The following MAD1L1 variants were observed in gnomAD, a reference collection of about 807,000 sequenced individuals.
MAD1L1 encodes mitotic spindle assembly checkpoint protein MAD1.
Under a neutral mutation model 96.9 loss-of-function variants are expected in MAD1L1, and 95 were observed. The observed-to-expected ratio is 0.98, with a 90% CI of 0.83 to 1.16. The LOEUF is 1.16. Among genes scored for constraint, MAD1L1 ranks in the 50% most tolerant of loss-of-function variants. The probability of loss-of-function intolerance (pLI) is 0.00; values close to 1 mark genes in which losing one functional copy is unlikely to be tolerated. For missense variants in MAD1L1, 1,007 were observed against 954.4 expected (o/e 1.06, Z -0.73); for synonymous variants, 473 against 396.6 (o/e 1.19, Z -2.29).
chr7:2,203,281 G>A (rs898445688), intron 10 of MAD1L1, among the ~76,000 whole-genome samples: 8 of 152,234 alleles, frequency 5.3e-5, no homozygotes, highest in Non-Finnish European at 7.3e-5. Context: ...AGTGGGAGCT[G>A]CTAAATGACA....
chr7:2,217,879 A>C, intron 7 of MAD1L1, 83 bp downstream of exon 7: 1 of 1,164,890 alleles, frequency 8.6e-7, no homozygotes, highest in Non-Finnish European at 1.3e-6. Flanking sequence ...GGAGCTCGGC[A>C]CCAGCGCAGA....
At position 1,898,398 on chromosome 7, in the gene MAD1L1, A is replaced by AG; in HGVS notation, c.1808-9dup. 1 of 1,612,648 alleles carries AG rather than the reference A, an allele frequency of 6.2e-7. No homozygotes were observed. On this transcript the variant is annotated splice_polypyrimidine_tract_variant and intron_variant, in intron 17 of 18. Transcript: ENST00000265854. ...CCACCTGCTTCTTCAGCTCTGCGGG[A>AG]GGGACGGAAGGAGACAGTGAGTGCG...
chr7:2,040,240 G>A (rs1783613433), intron 12 of MAD1L1, among the ~76,000 whole-genome samples: 2 of 152,194 alleles, frequency 1.3e-5, no homozygotes, highest in African/African-American at 4.8e-5. Context: ...TAGACCCACA[G>A]AACAGCAAAG....
intron 10 of MAD1L1, among the ~76,000 whole-genome samples, chr7:2,149,453 C>T (rs917240147): frequency 1.1e-4 from 16 of 152,178 alleles, no homozygotes; most frequent in Non-Finnish European, 2.4e-4. Context: ...GGGAGATGAC[C>T]TTAGAAAGCC....
At chr7:2,133,995 T>C (rs540924311) in intron 11 of MAD1L1, among the ~76,000 whole-genome samples, 1 of 152,378 alleles carries the variant, frequency 6.6e-6, no homozygotes, top group African/African-American at 2.4e-5. Context: ...TGTTCACTGG[T>C]GTTGTGCTGG....
intron 18 of MAD1L1, among the ~76,000 whole-genome samples, chr7:1,860,446 G>A (rs535670634): frequency 1.8e-4 from 26 of 147,208 alleles, no homozygotes; most frequent in Non-Finnish European, 3.8e-4. Context: ...TCTCCCTAGA[G>A]GTGACATCCT....
chr7:2,074,014 G>C (rs563607856), intron 11 of MAD1L1, among the ~76,000 whole-genome samples: 1 of 152,284 alleles, frequency 6.6e-6, no homozygotes, highest in Non-Finnish European at 1.5e-5. Context: ...ACACCAAGAC[G>C]TGACAAGGAG....
At position 2,190,697 on chromosome 7, in the gene MAD1L1, G is replaced by GTAGA. The variant is rs551674624; in HGVS notation, c.986+22511_986+22514dup. ...TATGGCCGTCAAGTTAAGTACATGA[G>GTAGA]TAGATGTTCAACATCATTAGTCACC... On this transcript the variant is annotated intron_variant, in intron 10 of 18. Transcript: ENST00000265854. 8.5e-5 allele frequency among the ~76,000 whole-genome samples: 13 copies of GTAGA among 152,282 alleles called. No individual in the cohort carries two copies. In the East Asian group the frequency reaches 2.3e-3, roughly 27 times the overall value.
chr7:1,907,650 C>A (rs1192188710), intron 17 of MAD1L1, among the ~76,000 whole-genome samples: 3 of 152,262 alleles, frequency 2.0e-5, no homozygotes, highest in Non-Finnish European at 4.4e-5. Context: ...TCTAAGCCCC[C>A]TTTCCTCCCT....
chr7:1,824,622 A>C (rs1314428661), intron 18 of MAD1L1, among the ~76,000 whole-genome samples: 2 of 152,142 alleles, frequency 1.3e-5, no homozygotes, highest in African/African-American at 2.4e-5. Flanking sequence ...GGCTTCCCAC[A>C]GAGGCTCCCC....
intron 12 of MAD1L1, among the ~76,000 whole-genome samples, chr7:2,041,118 T>C (rs906377427): frequency 7.2e-5 from 11 of 152,218 alleles, no homozygotes; most frequent in African/African-American, 2.4e-4. Context: ...AGAGTTCCTG[T>C]CGGAAAAAGC....
chr7:2,194,028 C>T (rs552851978), intron 10 of MAD1L1, among the ~76,000 whole-genome samples: 4 of 148,398 alleles, frequency 2.7e-5, no homozygotes, highest in African/African-American at 7.5e-5. Flanking sequence ...ACTGCAGCCT[C>T]GGCCTCCTGG....
chr7:1,839,926 C>A (rs1373984267), intron 18 of MAD1L1, among the ~76,000 whole-genome samples: 1 of 152,214 alleles, frequency 6.6e-6, no homozygotes, highest in Non-Finnish European at 1.5e-5. Context: ...GAGCACAGAC[C>A]CTGCCTGGCC....
chr7:2,064,998 A>G (rs889114595), intron 12 of MAD1L1, among the ~76,000 whole-genome samples: 1 of 151,890 alleles, frequency 6.6e-6, no homozygotes, highest in Admixed American at 6.6e-5. Context: ...CCAGGAGGAC[A>G]GTGGCTGATC....
At position 2,106,705 on chromosome 7, in the gene MAD1L1, G is replaced by A. The variant is rs117042850; in HGVS notation, c.1074-37367C>T. Among the ~76,000 whole-genome samples, 197 of 152,326 alleles carry A rather than the reference G, an allele frequency of 1.3e-3. 1 individual carries two copies. The highest frequency in any genetic ancestry group is 2.4e-3 in the Non-Finnish European group (160 of 68,026). Reference sequence around the variant, plus strand: ...CAGCTGCACTGGAACGTGTTGTCCCGCATGGGCTGTAGGGCCTCCACGAAA... The same window carrying A: ...CAGCTGCACTGGAACGTGTTGTCCCACATGGGCTGTAGGGCCTCCACGAAA... On this transcript the variant is annotated intron_variant, in intron 11 of 18. Transcript: ENST00000265854.
chr7:2,061,217 G>A (rs550678586), intron 12 of MAD1L1, among the ~76,000 whole-genome samples: 1 of 152,286 alleles, frequency 6.6e-6, no homozygotes, highest in Non-Finnish European at 1.5e-5. Flanking sequence ...CGTGCCTGTA[G>A]TCCCAGCTAC....
At chr7:2,232,725 G>C (rs1029854008) in intron 1 of MAD1L1, 147 bp downstream of exon 1, 1 of 152,676 alleles carries the variant, frequency 6.5e-6, no homozygotes, top group Non-Finnish European at 1.5e-5. Flanking sequence ...GAGACGGGGC[G>C]GGCGCGGGGT....
intron 16 of MAD1L1, among the ~76,000 whole-genome samples, chr7:1,943,974 A>G (rs113925333): frequency 4.9e-4 from 75 of 152,358 alleles, no homozygotes; most frequent in African/African-American, 1.4e-3. Context: ...TTCAGCCACA[A>G]GAAGGAATAC....
At chr7:2,008,435 G>A (rs898482976) in intron 13 of MAD1L1, among the ~76,000 whole-genome samples, 10 of 152,260 alleles carry the variant, frequency 6.6e-5, no homozygotes, top group Non-Finnish European at 1.2e-4. Flanking sequence ...CTGGGTGACC[G>A]GGTGGAGCCC....
Sources: allele counts gnomAD v4.1 joint callset (sites outside exome capture counted in the v4.1 genomes callset), GRCh38; gene constraint gnomAD v4.1.1; transcripts MANE v1.5; gene names NCBI Gene and HGNC (gene_info 2026-07-23, HGNC 2026-07-21).